Variants in CDC42BPA observed in about 807,000 individuals in gnomAD.
The protein encoded by CDC42BPA is CDC42 binding protein kinase alpha, also known as serine/threonine-protein kinase MRCK alpha.
CDC42BPA carries 80 observed loss-of-function variants against 223.5 expected under a neutral mutation model. The observed-to-expected ratio is 0.36, with a 90% CI of 0.30 to 0.43. The LOEUF (loss-of-function observed/expected upper bound fraction) is 0.43, where lower values mean the gene tolerates loss of function less well. CDC42BPA is among the 20% of genes least tolerant of loss of function. The pLI, the probability that CDC42BPA is intolerant of heterozygous loss-of-function variation, is 1.00. For synonymous variants in CDC42BPA, 694 were observed against 718.6 expected, an observed-to-expected ratio of 0.97 and a Z score of 0.55; for missense variants, 1,743 against 2,099.9, an observed-to-expected ratio of 0.83 and a Z score of 3.32.
chr1:227,110,835 C>T (rs1686786630), intron 14 of CDC42BPA, among the ~76,000 whole-genome samples: 1 of 152,080 alleles, frequency 6.6e-6, no homozygotes, highest in Admixed American at 6.6e-5. Context: ...AGAATAAAAT[C>T]AAGAGTTTAT....
At chr1:227,229,240 T>C (rs1677392113) in intron 2 of CDC42BPA, among the ~76,000 whole-genome samples, 1 of 152,184 alleles carries the variant, frequency 6.6e-6, no homozygotes, top group African/African-American at 2.4e-5. Flanking sequence ...CATGTGGATA[T>C]CCAGTTGCCC....
intron 1 of CDC42BPA, among the ~76,000 whole-genome samples, chr1:227,310,749 C>T (rs1693379403): frequency 1.4e-5 from 2 of 146,044 alleles, no homozygotes; most frequent in Admixed American, 6.7e-5. Context: ...TGCAGTGGCG[C>T]GATCTCGGCT....
At chr1:227,061,524 TATACAA>T (rs10589266) in intron 21 of CDC42BPA, among the ~76,000 whole-genome samples, 30,851 of 151,914 alleles carry the variant, frequency 0.2, 3,180 homozygotes, top group Admixed American at 0.25. Context: ...TGAAAAATGG[TATACAA>T]ATGCCGTCTG....
intron 21 of CDC42BPA, among the ~76,000 whole-genome samples, chr1:227,060,449 A>C (rs1178236291): frequency 2.0e-5 from 3 of 152,146 alleles, no homozygotes; most frequent in African/African-American, 7.2e-5. Context: ...AAGATAAACA[A>C]GACATGGAAG....
chr1:227,176,202 C>A (rs1490599923), intron 5 of CDC42BPA, among the ~76,000 whole-genome samples: 1 of 152,100 alleles, frequency 6.6e-6, no homozygotes, highest in African/African-American at 2.4e-5. Context: ...ATCTGCCCGC[C>A]TTGGCCTCTC....
At chr1:227,223,899 A>G (rs546898919) in intron 2 of CDC42BPA, among the ~76,000 whole-genome samples, 7 of 152,330 alleles carry the variant, frequency 4.6e-5, no homozygotes, top group Non-Finnish European at 1.0e-4. Flanking sequence ...ACTGTACAGT[A>G]TTGCTAGATG....
chr1:227,156,924 A>G (rs1417241295), intron 6 of CDC42BPA, among the ~76,000 whole-genome samples: 1 of 152,118 alleles, frequency 6.6e-6, no homozygotes, highest in Non-Finnish European at 1.5e-5. Flanking sequence ...TGTTTTCTCA[A>G]CTCAGCAACA....
intron 6 of CDC42BPA, among the ~76,000 whole-genome samples, chr1:227,149,355 C>G (rs1661307225): frequency 6.6e-6 from 1 of 152,148 alleles, no homozygotes; most frequent in Admixed American, 6.5e-5. Context: ...AAAACAAATT[C>G]AAATCTACTC....
chr1:227,161,623 G>A (rs1040808310), intron 5 of CDC42BPA, among the ~76,000 whole-genome samples: 6 of 152,174 alleles, frequency 3.9e-5, no homozygotes, highest in African/African-American at 1.4e-4. Flanking sequence ...TATATCACGA[G>A]TTAGTAAATT....
intron 35 of CDC42BPA, among the ~76,000 whole-genome samples, chr1:226,998,450 T>C (rs911640283): frequency 6.6e-5 from 10 of 152,128 alleles, no homozygotes; most frequent in African/African-American, 4.8e-5. Flanking sequence ...AACAGAGATA[T>C]AGACCAATGG....
At chr1:227,091,491 G>C (rs1351920274) in intron 16 of CDC42BPA, among the ~76,000 whole-genome samples, 1 of 152,158 alleles carries the variant, frequency 6.6e-6, no homozygotes, top group African/African-American at 2.4e-5. Context: ...AGCTTCCTGA[G>C]ACTCTCACCA....
chr1:227,007,160 A>G (rs1327076806), intron 34 of CDC42BPA, among the ~76,000 whole-genome samples: 1 of 152,236 alleles, frequency 6.6e-6, no homozygotes, highest in Non-Finnish European at 1.5e-5. Flanking sequence ...GTAAAGCCAA[A>G]TAGTTTAATT....
chr1:227,248,316 CT>C (rs1415343571), intron 2 of CDC42BPA, among the ~76,000 whole-genome samples: 1 of 152,020 alleles, frequency 6.6e-6, no homozygotes, highest in Non-Finnish European at 1.5e-5. Flanking sequence ...TCAAATTATC[CT>C]TGTTTGAAGA....
At chr1:227,050,200 C>G (rs1006268658) in intron 22 of CDC42BPA, among the ~76,000 whole-genome samples, 5 of 151,992 alleles carry the variant, frequency 3.3e-5, no homozygotes, top group African/African-American at 1.2e-4. Flanking sequence ...CACAAACAGG[C>G]AAATCATCAA....
chr1:226,989,898 G>T lies in CDC42BPA; in HGVS notation c.*4370C>A, dbSNP rs1660503400. 1 of 152,650 alleles carries T rather than the reference G, an allele frequency of 6.6e-6. No individual in the cohort carries two copies. The highest frequency in any genetic ancestry group is 6.5e-5 in the Admixed American group (1 of 15,282). The allele number at this position is 152,650 out of a possible 1,614,324, so 9.5% of individuals were successfully genotyped here. A position where few individuals can be genotyped will look rare whatever the true frequency, so the allele number is the denominator to read the frequency against. On this transcript the variant is annotated 3_prime_UTR_variant, in exon 37 of 37. Transcript: ENST00000366766. ...CTCTGTTTTATTGCAATACAGCAAA[G>T]TCTGGTTAATATTAAGTGATATCAA...
chr1:227,126,489 AAGGAAGGAAGGAAG>A, intron 11 of CDC42BPA, among the ~76,000 whole-genome samples: 2 of 122,586 alleles, frequency 1.6e-5, no homozygotes, highest in Non-Finnish European at 3.6e-5. Flanking sequence ...GGAAGGAAGG[AAGGAAGGAAGGAAG>A]GAAGGAAGGA....
intron 2 of CDC42BPA, among the ~76,000 whole-genome samples, chr1:227,218,286 A>C (rs1675228219): frequency 6.6e-6 from 1 of 152,184 alleles, no homozygotes; most frequent in Non-Finnish European, 1.5e-5. Context: ...ACAGGCATCG[A>C]AGTCCTGACT....
At chr1:227,186,665 C>A (rs1438686307) in intron 5 of CDC42BPA, among the ~76,000 whole-genome samples, 2 of 152,190 alleles carry the variant, frequency 1.3e-5, no homozygotes, top group African/African-American at 4.8e-5. Context: ...ACGCCCCTTG[C>A]CACTACATCA....
chr1:227,108,357 T>C (rs1460587094), intron 14 of CDC42BPA, among the ~76,000 whole-genome samples: 1 of 152,166 alleles, frequency 6.6e-6, no homozygotes, highest in African/African-American at 2.4e-5. Flanking sequence ...CTTTGACCTA[T>C]GGTTGCTTAA....
Sources: gnomAD v4.1 joint callset for allele counts (sites outside exome capture counted in the v4.1 genomes callset) on GRCh38, gnomAD v4.1.1 for gene constraint, MANE v1.5 for transcripts, NCBI Gene and HGNC (gene_info 2026-07-23, HGNC 2026-07-21) for gene names.